The following PRELID2 variants were observed in gnomAD, a reference collection of about 807,000 sequenced individuals.
PRELID2 encodes the protein PRELI domain-containing protein 2.
Under a neutral mutation model 28.4 loss-of-function variants are expected in PRELID2, and 25 were observed. The observed-to-expected ratio is 0.88, with a 90% CI of 0.64 to 1.23. The LOEUF (loss-of-function observed/expected upper bound fraction) is 1.23, where lower values mean the gene tolerates loss of function less well. Ranked by LOEUF, PRELID2 falls within the 50% of genes most tolerant of loss-of-function variation. PRELID2 has a pLI of 0.00. For missense variants in PRELID2, 201 were observed against 214.4 expected (o/e 0.94, Z 0.39); for synonymous variants, 76 against 71.6 (o/e 1.06, Z -0.31).
chr5:145,302,563 G>A, the PRELID2 span, among the ~76,000 whole-genome samples: 1 of 151,888 alleles, frequency 6.6e-6, no homozygotes, highest in Non-Finnish European at 1.5e-5. Context: ...AATATAGATA[G>A]AGTTGAATTT....
chr5:145,426,906 T>A, the PRELID2 span, among the ~76,000 whole-genome samples: 1 of 152,308 alleles, frequency 6.6e-6, no homozygotes, highest in Non-Finnish European at 1.5e-5. Context: ...GATGGTCTTG[T>A]AGGATCCCAC....
At chr5:145,598,130 A>AAT (rs1753337063) in intron 1 of PRELID2, among the ~76,000 whole-genome samples, 1 of 152,178 alleles carries the variant, frequency 6.6e-6, no homozygotes, top group Non-Finnish European at 1.5e-5. Flanking sequence ...TGGCATATCA[A>AAT]ATAGAAAGAA....
chr5:145,761,215 A>G (rs1757459215), intron 6 of PRELID2, among the ~76,000 whole-genome samples: 1 of 152,240 alleles, frequency 6.6e-6, no homozygotes, highest in Non-Finnish European at 1.5e-5. Flanking sequence ...TAAAAATTGC[A>G]AAATTCCAAA....
At chr5:145,240,701 C>A in the PRELID2 span, among the ~76,000 whole-genome samples, 1 of 151,972 alleles carries the variant, frequency 6.6e-6, no homozygotes, top group South Asian at 2.1e-4. Context: ...AAGGGCAAAT[C>A]CCATTTTAAA....
At chr5:145,574,340 A>G (rs1372965863) in intron 1 of PRELID2, among the ~76,000 whole-genome samples, 1 of 152,204 alleles carries the variant, frequency 6.6e-6, no homozygotes, top group Non-Finnish European at 1.5e-5. Context: ...GATCCATGTG[A>G]GACTTCTGAC....
intron 1 of PRELID2, among the ~76,000 whole-genome samples, chr5:145,688,352 A>C (rs1755078392): frequency 1.3e-5 from 2 of 152,218 alleles, no homozygotes; most frequent in South Asian, 2.1e-4. Context: ...CATCAGCAGT[A>C]ATGGTAACTG....
intron 1 of PRELID2, among the ~76,000 whole-genome samples, chr5:145,692,879 T>C (rs369912140): frequency 1.3e-5 from 2 of 152,204 alleles, no homozygotes; most frequent in Non-Finnish European, 2.9e-5. Context: ...TCATTATTTA[T>C]AGCTCTTCCC....
chr5:145,686,463 G>T (rs910383745), intron 1 of PRELID2, among the ~76,000 whole-genome samples: 11 of 151,988 alleles, frequency 7.2e-5, no homozygotes, highest in African/African-American at 2.4e-4. Flanking sequence ...ATCTAAACAG[G>T]GGAAGGGTCT....
chr5:145,262,671 A>G, the PRELID2 span, among the ~76,000 whole-genome samples: 1 of 152,184 alleles, frequency 6.6e-6, no homozygotes, highest in South Asian at 2.1e-4. Context: ...CCAGCATTAC[A>G]AGAACTGCTA....
chr5:145,737,518 T>C (rs1377712160), intron 1 of PRELID2, among the ~76,000 whole-genome samples: 1 of 152,160 alleles, frequency 6.6e-6, no homozygotes, highest in African/African-American at 2.4e-5. Context: ...AACACTGCTG[T>C]AAGTTCCTTG....
At chr5:145,740,977 T>C (rs1756697432) in intron 1 of PRELID2, among the ~76,000 whole-genome samples, 1 of 114,144 alleles carries the variant, frequency 8.8e-6, no homozygotes, top group Admixed American at 1.1e-4. Context: ...ATATTATATA[T>C]TTGTGTATAA....
At chr5:145,287,154 C>A in the PRELID2 span, among the ~76,000 whole-genome samples, 2 of 152,090 alleles carry the variant, frequency 1.3e-5, no homozygotes, top group Non-Finnish European at 2.9e-5. Context: ...CAGTTCATGC[C>A]TGAAACTGCA....
chr5:145,715,771 T>C (rs1172884580), intron 1 of PRELID2, among the ~76,000 whole-genome samples: 1 of 152,352 alleles, frequency 6.6e-6, no homozygotes, highest in Non-Finnish European at 1.5e-5. Flanking sequence ...ATGGATGGCT[T>C]CTTCTTGTCA....
intron 1 of PRELID2, among the ~76,000 whole-genome samples, chr5:145,486,509 C>T (rs192774953): frequency 9.2e-5 from 14 of 152,272 alleles, no homozygotes. Flanking sequence ...ACAATTCTGG[C>T]CACCACACCC....
chr5:145,655,363 T>C (rs1754375384), intron 1 of PRELID2, among the ~76,000 whole-genome samples: 1 of 152,196 alleles, frequency 6.6e-6, no homozygotes, highest in African/African-American at 2.4e-5. Flanking sequence ...CCCATCAAGC[T>C]ACCAATGACT....
chr5:145,420,116 C>T, the PRELID2 span, among the ~76,000 whole-genome samples: 10 of 151,960 alleles, frequency 6.6e-5, no homozygotes, highest in Non-Finnish European at 1.5e-4. Context: ...CAGTTCCATG[C>T]TGTTTTGGTT....
At chr5:145,647,068 C>T (rs1014757692) in intron 1 of PRELID2, among the ~76,000 whole-genome samples, 1 of 152,218 alleles carries the variant, frequency 6.6e-6, no homozygotes, top group East Asian at 1.9e-4. Context: ...CCACTGCTCT[C>T]TTCAGAGCCA....
chr5:145,614,363 G>C (rs1753664667), intron 1 of PRELID2, among the ~76,000 whole-genome samples: 1 of 152,158 alleles, frequency 6.6e-6, no homozygotes, highest in South Asian at 2.1e-4. Context: ...AAGAGTGATG[G>C]TGGTATTTTG....
intron 1 of PRELID2, among the ~76,000 whole-genome samples, chr5:145,499,928 A>C (rs984287186): frequency 1.3e-5 from 2 of 152,176 alleles, no homozygotes; most frequent in African/African-American, 4.8e-5. Flanking sequence ...GCGCACACCT[A>C]CCTGTAAACC....
Sources: gnomAD v4.1 joint callset for allele counts (sites outside exome capture counted in the v4.1 genomes callset) on GRCh38, gnomAD v4.1.1 for gene constraint, MANE v1.5 for transcripts, NCBI Gene and HGNC (gene_info 2026-07-23, HGNC 2026-07-21) for gene names.